NFIA: variants seen among roughly 807,000 people sequenced by gnomAD.
The protein encoded by NFIA is nuclear factor I A, also known as nuclear factor 1 A-type.
In NFIA, 8 loss-of-function variants were observed where a neutral mutation model predicts 62.8. That is an observed-to-expected ratio of 0.13 (90% CI 0.07 to 0.23). NFIA has a LOEUF of 0.23. Among genes scored for constraint, NFIA ranks in the 10% least tolerant of loss-of-function variants. The pLI, the probability that NFIA is intolerant of heterozygous loss-of-function variation, is 1.00. For missense variants in NFIA, 410 were observed against 642.1 expected (o/e 0.64, Z 3.91); for synonymous variants, 235 against 238.1 (o/e 0.99, Z 0.12).
intron 3 of NFIA, among the ~76,000 whole-genome samples, chr1:61,291,966 TTGAC>T (rs1658912632): frequency 6.6e-6 from 1 of 152,172 alleles, no homozygotes; most frequent in Non-Finnish European, 1.5e-5. Flanking sequence ...TATTAGGACT[TTGAC>T]TGAACACCAG....
At chr1:61,413,325 T>C (rs1317214668) in intron 9 of NFIA, among the ~76,000 whole-genome samples, 1 of 152,188 alleles carries the variant, frequency 6.6e-6, no homozygotes, top group Non-Finnish European at 1.5e-5. Context: ...TTAACATGTG[T>C]TCAATGCTTT....
At chr1:61,233,210 T>C (rs1654784989) in intron 2 of NFIA, among the ~76,000 whole-genome samples, 1 of 152,206 alleles carries the variant, frequency 6.6e-6, no homozygotes, top group South Asian at 2.1e-4. Flanking sequence ...AGAAAAAATC[T>C]TATACAGAAA....
chr1:61,229,880 G>A (rs1341050681), intron 2 of NFIA, among the ~76,000 whole-genome samples: 1 of 152,152 alleles, frequency 6.6e-6, no homozygotes, highest in Non-Finnish European at 1.5e-5. Context: ...TCTATGTCAT[G>A]TCAACAGAAG....
At chr1:61,382,221 G>A (rs1664456425) in intron 6 of NFIA, among the ~76,000 whole-genome samples, 1 of 152,064 alleles carries the variant, frequency 6.6e-6, no homozygotes, top group Admixed American at 6.6e-5. Flanking sequence ...ACTGATAGAT[G>A]CCTCCAGTTG....
chr1:61,148,991 G>A (rs903899986), intron 2 of NFIA, among the ~76,000 whole-genome samples: 2 of 151,948 alleles, frequency 1.3e-5, no homozygotes, highest in African/African-American at 4.8e-5. Context: ...TCCTGCCCCA[G>A]CCGCATGAGT....
chr1:61,236,494 C>G (rs768028175), intron 2 of NFIA, among the ~76,000 whole-genome samples: 59 of 152,150 alleles, frequency 3.9e-4, no homozygotes, highest in Non-Finnish European at 7.5e-4. Context: ...AATCATGACC[C>G]TTACCTACAA....
chr1:61,400,950 A>G (rs1665528544), intron 7 of NFIA, among the ~76,000 whole-genome samples: 1 of 152,242 alleles, frequency 6.6e-6, no homozygotes, highest in Admixed American at 6.5e-5. Flanking sequence ...TGACATCTTA[A>G]TTCTGAGTTT....
At chr1:61,381,768 G>A (rs543853106) in intron 6 of NFIA, among the ~76,000 whole-genome samples, 1 of 152,086 alleles carries the variant, frequency 6.6e-6, no homozygotes, top group Non-Finnish European at 1.5e-5. Context: ...ACATAGAGGG[G>A]AACAAAGCAG....
chr1:61,148,666 T>C (rs772943675), intron 2 of NFIA, among the ~76,000 whole-genome samples: 1 of 152,242 alleles, frequency 6.6e-6, no homozygotes, highest in Non-Finnish European at 1.5e-5. Flanking sequence ...TATTGGTACT[T>C]TCCATTTAGA....
chr1:61,164,916 A>G (rs1324313425), intron 2 of NFIA, among the ~76,000 whole-genome samples: 4 of 152,180 alleles, frequency 2.6e-5, no homozygotes, highest in African/African-American at 4.8e-5. Flanking sequence ...TGCAGTATTT[A>G]TCAAAAATCT....
Position 61,150,232 on chromosome 1 carries a change from C to G in NFIA, c.559+61552C>G, listed in dbSNP as rs116528947. On this transcript the variant is annotated intron_variant, in intron 2 of 10. Coordinates refer to ENST00000403491, the MANE Select transcript of NFIA (RefSeq NM_001134673.4). ...CAGCTCTGTGTTCTCTGCCAAGTCC[C>G]TTTAGATCAATGTGTCGCATGTCCC... Among the ~76,000 whole-genome samples the G allele has an allele frequency of 6.9e-3, 1,050 of 152,310 alleles. 17 individuals are homozygous for G. Among genetic ancestry groups the G allele is most frequent in the African/African-American group, 0.023 (962 of 41,566 alleles).
chr1:61,452,522 C>T (rs1016055630), intron 10 of NFIA, among the ~76,000 whole-genome samples: 1 of 152,016 alleles, frequency 6.6e-6, no homozygotes, highest in Non-Finnish European at 1.5e-5. Flanking sequence ...GGTTTTTTCA[C>T]GGGTTATTAA....
At position 61,420,454 on chromosome 1, in the gene NFIA, T is replaced by C. The variant is rs573376957; in HGVS notation, c.1421-6011T>C. On this transcript the variant is annotated intron_variant, in intron 9 of 10. Transcript: ENST00000403491. ...TTCAATGAGGTATTTAGCCACCTCC[T>C]TGTTTCAGTTTGCAACTGAATGCTT... Among the ~76,000 whole-genome samples, 11 of 152,270 alleles carry C rather than the reference T, an allele frequency of 7.2e-5. 1 individual carries two copies. The South Asian group carries it at 2.1e-3, about 29-fold the overall frequency.
intron 9 of NFIA, among the ~76,000 whole-genome samples, chr1:61,415,269 A>G: frequency 6.6e-6 from 1 of 152,174 alleles, no homozygotes; most frequent in East Asian, 1.9e-4. Flanking sequence ...AAAATAGCAC[A>G]AGAAAATACA....
At chr1:61,433,764 C>A (rs1667209351) in intron 10 of NFIA, among the ~76,000 whole-genome samples, 1 of 152,122 alleles carries the variant, frequency 6.6e-6, no homozygotes, top group Non-Finnish European at 1.5e-5. Flanking sequence ...GTTATCCCCA[C>A]TGTATAGGTT....
chr1:61,391,453 CA>C (rs1448128738), intron 7 of NFIA, among the ~76,000 whole-genome samples: 1 of 141,854 alleles, frequency 7.0e-6, no homozygotes, highest in Non-Finnish European at 1.5e-5. Context: ...CACACACACA[CA>C]CACACACACA....
At chr1:61,168,094 C>G (rs1298624611) in intron 2 of NFIA, among the ~76,000 whole-genome samples, 2 of 152,056 alleles carry the variant, frequency 1.3e-5, no homozygotes. Flanking sequence ...TTTTGTGTTA[C>G]TTTAGGTATA....
At chr1:61,327,425 C>A (rs984080840) in intron 3 of NFIA, among the ~76,000 whole-genome samples, 14 of 152,018 alleles carry the variant, frequency 9.2e-5, no homozygotes, top group Admixed American at 9.2e-4. Flanking sequence ...GCCGCCCCCT[C>A]CTGAGTCTCT....
chr1:61,095,688 T>G (rs1434372924), intron 2 of NFIA, among the ~76,000 whole-genome samples: 2 of 152,164 alleles, frequency 1.3e-5, no homozygotes, highest in East Asian at 1.9e-4. Flanking sequence ...CTGAAATGAT[T>G]TGTTCTTTTT....
Sources: gnomAD v4.1 joint callset for allele counts (sites outside exome capture counted in the v4.1 genomes callset) on GRCh38, gnomAD v4.1.1 for gene constraint, MANE v1.5 for transcripts, NCBI Gene and HGNC (gene_info 2026-07-23, HGNC 2026-07-21) for gene names.